Variants in GNG2 observed in about 807,000 individuals in gnomAD.
The protein encoded by GNG2 is guanine nucleotide-binding protein G(I)/G(S)/G(O) subunit gamma-2.
In GNG2, 5 loss-of-function variants were observed where a neutral mutation model predicts 5.5. The observed-to-expected ratio is 0.91, with a 90% CI of 0.48 to 1.92. The LOEUF (loss-of-function observed/expected upper bound fraction) is 1.92, where lower values mean the gene tolerates loss of function less well. GNG2 is among the 30% of genes most tolerant of loss of function. The probability of loss-of-function intolerance (pLI) is 0.01; values close to 1 mark genes in which losing one functional copy is unlikely to be tolerated. For synonymous variants in GNG2, 28 were observed against 32.0 expected, an observed-to-expected ratio of 0.88 and a Z score of 0.42; for missense variants, 55 against 88.4, an observed-to-expected ratio of 0.62 and a Z score of 1.52.
intron 2 of GNG2, among the ~76,000 whole-genome samples, chr14:51,914,682 CAAAG>C (rs926446006): frequency 1.3e-5 from 2 of 152,168 alleles, no homozygotes; most frequent in African/African-American, 2.4e-5. Context: ...GATCCGGTAA[CAAAG>C]AGAGGTCTTT....
intron 2 of GNG2, among the ~76,000 whole-genome samples, chr14:51,882,214 T>A (rs1056159202): frequency 6.6e-6 from 1 of 152,220 alleles, no homozygotes; most frequent in Non-Finnish European, 1.5e-5. Flanking sequence ...ACACCGTGAA[T>A]GTACTAAATA....
At chr14:51,836,884 G>A (rs967269435) in intron 2 of GNG2, among the ~76,000 whole-genome samples, 50 of 119,708 alleles carry the variant, frequency 4.2e-4, no homozygotes, top group African/African-American at 1.5e-3. Flanking sequence ...TTGAGACAGA[G>A]ATTTCCTCTG....
chr14:51,955,679 TGGGGAAG>T (rs1889237215), intron 3 of GNG2, among the ~76,000 whole-genome samples: 1 of 152,206 alleles, frequency 6.6e-6, no homozygotes, highest in African/African-American at 2.4e-5. Context: ...GCTGTGGTAA[TGGGGAAG>T]TCAAATTAAA....
intron 2 of GNG2, among the ~76,000 whole-genome samples, chr14:51,834,370 G>T (rs540787992): frequency 6.6e-6 from 1 of 152,292 alleles, no homozygotes; most frequent in Non-Finnish European, 1.5e-5. Context: ...CCTGGCTTCT[G>T]CCTGCCACGG....
At chr14:51,888,081 C>T (rs1328816458) in intron 2 of GNG2, among the ~76,000 whole-genome samples, 1 of 152,032 alleles carries the variant, frequency 6.6e-6, no homozygotes, top group Non-Finnish European at 1.5e-5. Flanking sequence ...CCCATGAAAC[C>T]ATCATCACCA....
At position 51,937,570 on chromosome 14, in the gene GNG2, G is replaced by A. The variant is rs566107703; in HGVS notation, c.-29-13080G>A. Reference sequence around the variant, plus strand: ...AGATTTCTGTTTTCTGAATCTCTATGCTTTTCAGTTTTCCGAAAATGGCTA... The same window carrying A: ...AGATTTCTGTTTTCTGAATCTCTATACTTTTCAGTTTTCCGAAAATGGCTA... On this transcript the variant is annotated intron_variant, in intron 2 of 3. Transcript: ENST00000556766. Among the ~76,000 whole-genome samples the A allele has an allele frequency of 4.6e-5, 7 of 151,884 alleles. No homozygotes were observed. In the South Asian group the frequency reaches 1.5e-3, roughly 31 times the overall value.
chr14:51,928,808 G>A (rs1418953548), intron 2 of GNG2, among the ~76,000 whole-genome samples: 1 of 152,172 alleles, frequency 6.6e-6, no homozygotes, highest in African/African-American at 2.4e-5. Context: ...CCTTGGAGGA[G>A]CAAATCCTGC....
chr14:51,870,861 T>G (rs534323871), intron 1 of GNG2, among the ~76,000 whole-genome samples: 7 of 152,334 alleles, frequency 4.6e-5, no homozygotes, highest in Admixed American at 6.5e-5. Context: ...GTTATTACAG[T>G]GTTTTGACTA....
At chr14:51,873,704 T>C (rs1883456961) in intron 1 of GNG2, among the ~76,000 whole-genome samples, 1 of 152,248 alleles carries the variant, frequency 6.6e-6, no homozygotes, top group Non-Finnish European at 1.5e-5. Context: ...TGTGTGCCTA[T>C]GCACAAGGTT....
At chr14:51,901,766 T>A (rs899329092) in intron 2 of GNG2, among the ~76,000 whole-genome samples, 7 of 151,618 alleles carry the variant, frequency 4.6e-5, no homozygotes, top group African/African-American at 1.5e-4. Flanking sequence ...AGGGGCAGAG[T>A]CAGTTGGAGC....
At chr14:51,898,994 G>T (rs1314577302) in intron 2 of GNG2, among the ~76,000 whole-genome samples, 1 of 152,236 alleles carries the variant, frequency 6.6e-6, no homozygotes, top group Non-Finnish European at 1.5e-5. Context: ...GCAGCTGTGA[G>T]AAGATCTCTG....
intron 3 of GNG2, among the ~76,000 whole-genome samples, chr14:51,962,473 G>C (rs1889670615): frequency 6.6e-6 from 1 of 152,128 alleles, no homozygotes; most frequent in African/African-American, 2.4e-5. Context: ...TTTGAGGTTA[G>C]TGAAAAATAA....
chr14:51,963,394 C>T (rs1409225056), intron 3 of GNG2, among the ~76,000 whole-genome samples: 2 of 152,158 alleles, frequency 1.3e-5, no homozygotes. Context: ...CTCCTCGTAA[C>T]AAATGAGTTT....
intron 2 of GNG2, among the ~76,000 whole-genome samples, chr14:51,840,429 G>A (rs934367085): frequency 5.3e-5 from 8 of 152,080 alleles, no homozygotes; most frequent in Non-Finnish European, 1.0e-4. Context: ...TCTTTATTGG[G>A]CAGAGTCTTG....
chr14:51,864,194 G>C (rs1882715487), intron 1 of GNG2, among the ~76,000 whole-genome samples: 1 of 152,058 alleles, frequency 6.6e-6, no homozygotes, highest in Non-Finnish European at 1.5e-5. Context: ...TTATGTTTTT[G>C]ATAATAGCCA....
At chr14:51,920,456 C>G (rs1886951193) in intron 2 of GNG2, among the ~76,000 whole-genome samples, 1 of 151,804 alleles carries the variant, frequency 6.6e-6, no homozygotes, top group Non-Finnish European at 1.5e-5. Flanking sequence ...TGTACATATT[C>G]AGTACAGACG....
intron 2 of GNG2, among the ~76,000 whole-genome samples, chr14:51,884,469 G>T (rs1004480683): frequency 1.3e-5 from 2 of 152,180 alleles, no homozygotes; most frequent in Non-Finnish European, 2.9e-5. Context: ...AGGAAGCTGT[G>T]GTTCCCAGAG....
intron 3 of GNG2, among the ~76,000 whole-genome samples, chr14:51,951,119 T>C (rs1888952300): frequency 6.6e-6 from 1 of 152,234 alleles, no homozygotes; most frequent in Non-Finnish European, 1.5e-5. Flanking sequence ...TTTAATTTTT[T>C]CTGTCCTGGT....
intron 3 of GNG2, among the ~76,000 whole-genome samples, chr14:51,956,100 G>A (rs1713099959): frequency 6.6e-6 from 1 of 152,088 alleles, no homozygotes; most frequent in Non-Finnish European, 1.5e-5. Flanking sequence ...TAGGAAAAAT[G>A]GAATACAATC....
Sources: allele counts gnomAD v4.1 joint callset (sites outside exome capture counted in the v4.1 genomes callset), GRCh38; gene constraint gnomAD v4.1.1; transcripts MANE v1.5; gene names NCBI Gene and HGNC (gene_info 2026-07-23, HGNC 2026-07-21).